Variants in ABHD4 observed in about 807,000 individuals in gnomAD.
ABHD4 encodes (Lyso)-N-acylphosphatidylethanolamine lipase.
In ABHD4, 35 loss-of-function variants were observed where a neutral mutation model predicts 42.3. The ratio of observed to expected loss-of-function variants is 0.83; its 90% confidence interval spans 0.63 to 1.10. The LOEUF is 1.10. Ranked by LOEUF, ABHD4 falls within the 50% of genes least tolerant of loss-of-function variation. The probability of loss-of-function intolerance (pLI) is 0.00; values close to 1 mark genes in which losing one functional copy is unlikely to be tolerated. For missense variants in ABHD4, 389 were observed against 454.8 expected (o/e 0.86, Z 1.32); for synonymous variants, 169 against 170.6 (o/e 0.99, Z 0.07).
At chr14:22,603,326 A>G in intron 2 of ABHD4, 64 bp from the exon 3 acceptor site, 1 of 1,596,386 alleles carries the variant, frequency 6.3e-7, no homozygotes, top group Non-Finnish European at 8.6e-7. Flanking sequence ...GTGGTAGTCC[A>G]GGCAAAATGA....
chr14:22,599,333 A>G (rs1191517928), intron 1 of ABHD4, among the ~76,000 whole-genome samples: 2 of 152,190 alleles, frequency 1.3e-5, no homozygotes, highest in Admixed American at 1.3e-4. Context: ...TTAAAAATGA[A>G]GAAGCTGGTG....
chr14:22,611,071 T>C lies in ABHD4; in HGVS notation c.*123T>C. 4 of 844,416 alleles carry C rather than the reference T, an allele frequency of 4.7e-6. No homozygotes were observed. Among genetic ancestry groups the C allele is most frequent in the Non-Finnish European group, 7.7e-6 (4 of 517,648 alleles). The allele number at this position is 844,416 out of a possible 1,614,324, so 52.3% of individuals were successfully genotyped here. A position where few individuals can be genotyped will look rare whatever the true frequency, so the allele number is the denominator to read the frequency against. ...GTGCCAGCCAGGCAGAGTCTTGTGC[T>C]GTTCCCAGAACAGGACGACAGTGAA... On this transcript the variant is annotated 3_prime_UTR_variant, in exon 7 of 7. Coordinates refer to ENST00000428304, the MANE Select transcript of ABHD4 (RefSeq NM_022060.3).
At chr14:22,609,645 G>A in intron 5 of ABHD4, 79 bp from the exon 6 acceptor site, 1 of 1,463,624 alleles carries the variant, frequency 6.8e-7, no homozygotes, top group South Asian at 1.3e-5. Context: ...AGGTGACTAA[G>A]ATTCTGCCTC....
rs201316347 is a variant in ABHD4 at position 22,606,465 on chromosome 14, G to C, written c.684G>C (p.Lys228Asn). 11 of 1,613,742 alleles carry C rather than the reference G, an allele frequency of 6.8e-6. No individual in the cohort carries two copies. Among genetic ancestry groups the C allele is most frequent in the Non-Finnish European group, 6.8e-6 (8 of 1,179,902 alleles). ...VQRFRPDFKRKFADFFEDDTI... is the reference protein window; with the variant it reads ...VQRFRPDFKRNFADFFEDDTI... ...GATTCCGGCCGGACTTCAAACGCAAGTTTGCAGACTTCTTTGAAGATGATA... is the reference window on the plus strand; with the variant it reads ...GATTCCGGCCGGACTTCAAACGCAACTTTGCAGACTTCTTTGAAGATGATA... Residue 228 changes from lysine to asparagine, a missense_variant, in exon 5 of 7, where the codon AAG becomes AAC. By Grantham distance (94) the Lys-to-Asn change is moderately conservative. Transcript: ENST00000428304.
chr14:22,605,399 G>T (rs1371055565), intron 4 of ABHD4, among the ~76,000 whole-genome samples: 1 of 152,174 alleles, frequency 6.6e-6, no homozygotes, highest in Non-Finnish European at 1.5e-5. Context: ...CTAAGTAAGA[G>T]TTATCTCTCT....
intron 5 of ABHD4, among the ~76,000 whole-genome samples, chr14:22,607,121 A>G (rs185842802): frequency 7.0e-4 from 106 of 152,308 alleles, no homozygotes; most frequent in Non-Finnish European, 9.3e-4. Flanking sequence ...TTAAAATTTA[A>G]TTATGTGCAT....
intron 6 of ABHD4, 37 bp from the exon 7 acceptor site, chr14:22,610,822 A>T (rs748629987): frequency 3.8e-6 from 6 of 1,558,792 alleles, no homozygotes; most frequent in Non-Finnish European, 5.3e-6. Flanking sequence ...ACCAGGAATA[A>T]AAGGCCATCC....
At chr14:22,606,337 A>C in intron 4 of ABHD4, 85 bp from the exon 5 acceptor site, 1 of 873,712 alleles carries the variant, frequency 1.1e-6, no homozygotes, top group South Asian at 1.4e-5. Context: ...AGGTTTAGTT[A>C]AAGTTCTCAA....
intron 5 of ABHD4, among the ~76,000 whole-genome samples, chr14:22,609,189 G>C (rs1349369426): frequency 1.3e-5 from 2 of 151,498 alleles, no homozygotes; most frequent in East Asian, 3.9e-4. Flanking sequence ...GTAGAGACAG[G>C]GTCTCACCAT....
chr14:22,600,831 G>GGTGT (rs35284182), intron 1 of ABHD4, among the ~76,000 whole-genome samples: 4,708 of 65,096 alleles, frequency 0.072, 108 homozygotes, highest in East Asian at 0.2. Flanking sequence ...CCAGCAGGGG[G>GGTGT]GTGTGTGTGT....
intron 1 of ABHD4, among the ~76,000 whole-genome samples, chr14:22,601,179 C>T (rs2037280921): frequency 6.6e-6 from 1 of 152,184 alleles, no homozygotes; most frequent in Non-Finnish European, 1.5e-5. Flanking sequence ...GTATTCCACA[C>T]TTCTAGGGGC....
intron 3 of ABHD4, 62 bp downstream of exon 3, chr14:22,603,824 G>T: frequency 6.3e-7 from 1 of 1,575,568 alleles, no homozygotes; most frequent in Admixed American, 1.8e-5. Flanking sequence ...GAACTTTCCA[G>T]TATTCATTTC....
chr14:22,604,809 C>T (rs947807710), intron 4 of ABHD4, among the ~76,000 whole-genome samples: 2 of 151,958 alleles, frequency 1.3e-5, no homozygotes, highest in Non-Finnish European at 2.9e-5. Context: ...GGGGTTTCAC[C>T]ATGTTGGCTA....
At chr14:22,603,113 C>T (rs1024532677) in intron 2 of ABHD4, among the ~76,000 whole-genome samples, 2 of 152,228 alleles carry the variant, frequency 1.3e-5, no homozygotes, top group African/African-American at 4.8e-5. Flanking sequence ...CTCATCCTGA[C>T]TTTGCAGGAT....
In ABHD4 at chr14:22,611,030, C is replaced by T; in HGVS notation, c.*82C>T. The stretch of plus-strand genomic sequence containing the variant: ...TGCTTACTCACCCACTCTGTCCTTT[C>T]CTCACCAACTAACATGTGCCAGCCA... On this transcript the variant is annotated 3_prime_UTR_variant, in exon 7 of 7. Coordinates refer to ENST00000428304, the MANE Select transcript of ABHD4 (RefSeq NM_022060.3). The T allele has an allele frequency of 8.0e-7, 1 of 1,253,096 alleles. No homozygotes were observed. Among genetic ancestry groups the T allele is most frequent in the Non-Finnish European group, 1.2e-6 (1 of 866,686 alleles). The allele number at this position is 1,253,096 out of a possible 1,614,324, so 77.6% of individuals were successfully genotyped here.
Position 22,609,793 on chromosome 14 carries a change from T to G in ABHD4, c.822T>G (p.Ile274Met). 1 of 1,614,128 alleles carries G rather than the reference T, an allele frequency of 6.2e-7. No individual in the cohort carries two copies. The highest frequency in any genetic ancestry group is 1.6e-4 in the Middle Eastern group (1 of 6,062). The change falls in exon 6 of 7, where the codon ATT (isoleucine) becomes ATG (methionine). Residue 274 changes from isoleucine to methionine, a missense_variant. This residue lies in a region of ABHD4 where 249 missense variants were observed against 254.4 expected (regional missense o/e 0.98). Transcript: ENST00000428304. ...GWARRPMLER[I>M]HLIRKDVPIT... The stretch of plus-strand genomic sequence containing the variant: ...CCCGGCGCCCTATGCTGGAGCGAAT[T>G]CACTTGATTCGAAAAGATGTGCCTA...
At chr14:22,599,027 G>GT (rs1334278865) in intron 1 of ABHD4, 1 of 152,408 alleles carries the variant, frequency 6.6e-6, no homozygotes, top group East Asian at 1.9e-4. Flanking sequence ...TCTGATAGGA[G>GT]TAAGAAAAAG....
chr14:22,610,524 T>A (rs1361835809), intron 6 of ABHD4, among the ~76,000 whole-genome samples: 1 of 152,156 alleles, frequency 6.6e-6, no homozygotes, highest in Non-Finnish European at 1.5e-5. Flanking sequence ...CCTTTTTTCT[T>A]ACCCCTCTCC....
chr14:22,605,732 T>C lies in ABHD4; in HGVS notation c.641-690T>C. ...GGGAGGGCCAGGCCCATGCAGATCCTCATGGCACCCCCAACCCAGCCCCTT... is the reference window on the plus strand; with the variant it reads ...GGGAGGGCCAGGCCCATGCAGATCCCCATGGCACCCCCAACCCAGCCCCTT... On this transcript the variant is annotated intron_variant, in intron 4 of 6. Coordinates refer to ENST00000428304, the MANE Select transcript of ABHD4 (RefSeq NM_022060.3). The C allele has an allele frequency of 6.9e-6, 7 of 1,021,212 alleles. No individual in the cohort carries two copies. The South Asian group carries it at 9.3e-5, about 14-fold the overall frequency. 63.3% of individuals were successfully genotyped at this position (1,021,212 alleles called of 1,614,324 possible).
Sources: gnomAD v4.1 joint callset for allele counts (sites outside exome capture counted in the v4.1 genomes callset) on GRCh38, gnomAD v4.1.1 for gene constraint, gnomAD v4.1.1 regional missense constraint, MANE v1.5 for transcripts, NCBI Gene and HGNC (gene_info 2026-07-23, HGNC 2026-07-21) for gene names.